Variants in ROBO2 observed in about 807,000 individuals in gnomAD.
ROBO2 encodes the protein roundabout homolog 2.
ROBO2 carries 53 observed loss-of-function variants against 160.8 expected under a neutral mutation model. The observed-to-expected ratio is 0.33, with a 90% CI of 0.26 to 0.41. ROBO2 has a LOEUF of 0.41. Among genes scored for constraint, ROBO2 ranks in the 10% least tolerant of loss-of-function variants. The pLI is 1.00. For missense variants in ROBO2, 1,577 were observed against 1,722.4 expected (o/e 0.92, Z 1.49); for synonymous variants, 664 against 611.7 (o/e 1.09, Z -1.26).
intron 2 of ROBO2, among the ~76,000 whole-genome samples, chr3:77,116,242 A>G (rs1346632486): frequency 6.6e-6 from 1 of 152,232 alleles, no homozygotes; most frequent in Non-Finnish European, 1.5e-5. Flanking sequence ...CTGTTGGCAC[A>G]TTCAATGAAA....
intron 2 of ROBO2, among the ~76,000 whole-genome samples, chr3:76,624,764 T>C (rs557398258): frequency 2.7e-5 from 3 of 112,268 alleles, no homozygotes; most frequent in African/African-American, 1.0e-4. Flanking sequence ...CGCTATTCTT[T>C]CCAGCCTGAG....
chr3:76,077,667 G>T (rs1038819559), intron 2 of ROBO2, among the ~76,000 whole-genome samples: 5 of 151,952 alleles, frequency 3.3e-5, no homozygotes, highest in Non-Finnish European at 7.4e-5. Context: ...TTTAAAAAAA[G>T]AAGTAATATA....
intron 2 of ROBO2, among the ~76,000 whole-genome samples, chr3:76,077,825 A>G (rs2108005721): frequency 1.3e-5 from 2 of 152,308 alleles, no homozygotes; most frequent in South Asian, 4.1e-4. Context: ...AGAATCAGCA[A>G]AGTGAGTTGG....
chr3:76,784,639 T>C (rs1200175590), intron 2 of ROBO2, among the ~76,000 whole-genome samples: 1 of 151,166 alleles, frequency 6.6e-6, no homozygotes, highest in Non-Finnish European at 1.5e-5. Context: ...TATAGGATGC[T>C]TGGGGCATTC....
intron 2 of ROBO2, among the ~76,000 whole-genome samples, chr3:76,729,353 C>G (rs1458134792): frequency 6.6e-6 from 1 of 151,738 alleles, no homozygotes; most frequent in Non-Finnish European, 1.5e-5. Context: ...ACTCTGAAAA[C>G]AATGTGGGAA....
At chr3:76,253,712 A>G (rs963084110) in intron 2 of ROBO2, among the ~76,000 whole-genome samples, 19 of 151,742 alleles carry the variant, frequency 1.3e-4, no homozygotes, top group African/African-American at 4.1e-4. Flanking sequence ...AAGTATTAGC[A>G]TATATAAGCA....
At chr3:76,271,008 C>G (rs1465844985) in intron 2 of ROBO2, among the ~76,000 whole-genome samples, 7 of 152,030 alleles carry the variant, frequency 4.6e-5, no homozygotes, top group African/African-American at 7.2e-5. Flanking sequence ...AAACTTTATA[C>G]CTATACAAAG....
At chr3:77,529,381 T>C (rs1320034754) in intron 6 of ROBO2, among the ~76,000 whole-genome samples, 1 of 151,556 alleles carries the variant, frequency 6.6e-6, no homozygotes, top group Non-Finnish European at 1.5e-5. Flanking sequence ...AGGATGACAG[T>C]AGGTGTTAAA....
At position 77,165,751 on chromosome 3, in the gene ROBO2, G is replaced by A. The variant is rs538520334; in HGVS notation, c.388+67411G>A. ...GAACACATCTGTATCACCAGCACCTGGATTGTGAAATAGACCATGAAAAGC... is the reference window on the plus strand; with the variant it reads ...GAACACATCTGTATCACCAGCACCTAGATTGTGAAATAGACCATGAAAAGC... On this transcript the variant is annotated intron_variant, in intron 2 of 25. Transcript: ENST00000461745. Among the ~76,000 whole-genome samples the A allele has an allele frequency of 2.6e-5, 4 of 152,124 alleles. No homozygotes were observed. In the East Asian group the frequency reaches 5.8e-4, roughly 22 times the overall value.
At chr3:76,834,169 CTT>C (rs1491567413) in intron 2 of ROBO2, among the ~76,000 whole-genome samples, 6 of 133,130 alleles carry the variant, frequency 4.5e-5, no homozygotes, top group Non-Finnish European at 6.3e-5. Flanking sequence ...CTCTTTCTTT[CTT>C]TCTCTCTCTC....
At chr3:76,646,753 G>C (rs1249309628) in intron 2 of ROBO2, among the ~76,000 whole-genome samples, 6 of 152,010 alleles carry the variant, frequency 3.9e-5, no homozygotes, top group Admixed American at 2.0e-4. Context: ...CCATAATGAT[G>C]GTTTGTCTAA....
chr3:77,336,395 C>T (rs2066498695), intron 2 of ROBO2, among the ~76,000 whole-genome samples: 2 of 151,632 alleles, frequency 1.3e-5, no homozygotes, highest in South Asian at 4.2e-4. Flanking sequence ...TTTGTACCTC[C>T]CTCTCCTTCC....
intron 2 of ROBO2, among the ~76,000 whole-genome samples, chr3:77,413,892 T>G (rs544757971): frequency 6.6e-6 from 1 of 152,114 alleles, no homozygotes; most frequent in African/African-American, 2.4e-5. Context: ...TGTAGGCAGT[T>G]GGATGCATGA....
upstream of ROBO2, among the ~76,000 whole-genome samples, chr3:77,039,602 C>G (rs11919722): frequency 0.17 from 25,773 of 151,996 alleles, 2,714 homozygotes; most frequent in African/African-American, 0.3. Context: ...CCTCGGCCCT[C>G]GGCAGCCGGC....
intron 2 of ROBO2, among the ~76,000 whole-genome samples, chr3:76,067,499 T>A (rs921752212): frequency 2.0e-5 from 3 of 150,188 alleles, no homozygotes; most frequent in South Asian, 2.1e-4. Context: ...TGGAATTGTT[T>A]AAAAAAAAAA....
At chr3:76,689,592 C>A (rs897763181) in intron 2 of ROBO2, among the ~76,000 whole-genome samples, 1 of 152,012 alleles carries the variant, frequency 6.6e-6, no homozygotes, top group Admixed American at 6.6e-5. Context: ...TCCCATCCCC[C>A]AAAAAAGAAA....
intron 2 of ROBO2, among the ~76,000 whole-genome samples, chr3:77,390,021 G>A (rs2074553369): frequency 6.6e-6 from 1 of 152,154 alleles, no homozygotes; most frequent in South Asian, 2.1e-4. Context: ...TATTTAAACA[G>A]CAGCAACCTA....
chr3:77,487,875 T>C (rs888039475), intron 4 of ROBO2, among the ~76,000 whole-genome samples: 7 of 152,192 alleles, frequency 4.6e-5, no homozygotes, highest in Non-Finnish European at 7.4e-5. Flanking sequence ...ATTTGAGAAA[T>C]AGCTGTTACC....
At chr3:76,689,378 C>A (rs1295165130) in intron 2 of ROBO2, among the ~76,000 whole-genome samples, 3 of 151,986 alleles carry the variant, frequency 2.0e-5, no homozygotes, top group Non-Finnish European at 4.4e-5. Flanking sequence ...ATGCATGGAG[C>A]ACCAAGTAAT....
Sources: gnomAD v4.1 joint callset for allele counts (sites outside exome capture counted in the v4.1 genomes callset) on GRCh38, gnomAD v4.1.1 for gene constraint, MANE v1.5 for transcripts, NCBI Gene and HGNC (gene_info 2026-07-23, HGNC 2026-07-21) for gene names.